Variants in NCK1 observed in about 807,000 individuals in gnomAD.
NCK1 encodes the protein SH2/SH3 adapter protein NCK1.
Under a neutral mutation model 36.6 loss-of-function variants are expected in NCK1, and 19 were observed. The observed-to-expected ratio is 0.52, with a 90% CI of 0.36 to 0.76. The LOEUF (loss-of-function observed/expected upper bound fraction) is 0.76, where lower values mean the gene tolerates loss of function less well. Among genes scored for constraint, NCK1 ranks in the 30% least tolerant of loss-of-function variants. The pLI, the probability that NCK1 is intolerant of heterozygous loss-of-function variation, is 0.00. For synonymous variants in NCK1, 165 were observed against 156.0 expected (o/e 1.06, Z -0.43); for missense variants, 358 against 445.6 (o/e 0.80, Z 1.77).
intron 2 of NCK1, among the ~76,000 whole-genome samples, chr3:136,931,885 C>T (rs929042471): frequency 5.9e-5 from 9 of 151,968 alleles, no homozygotes; most frequent in Non-Finnish European, 1.3e-4. Flanking sequence ...TTTGGGAGGC[C>T]GAAGTGGGTG....
At chr3:136,903,046 G>C (rs536883714) in intron 1 of NCK1, among the ~76,000 whole-genome samples, 1 of 152,276 alleles carries the variant, frequency 6.6e-6, no homozygotes, top group South Asian at 2.1e-4. Context: ...ACAGTGGGGT[G>C]CTGGTGTCCC....
intron 1 of NCK1, among the ~76,000 whole-genome samples, chr3:136,863,543 A>G (rs1018438020): frequency 6.6e-6 from 1 of 152,226 alleles, no homozygotes; most frequent in Non-Finnish European, 1.5e-5. Flanking sequence ...CTTGATAGTA[A>G]TATGCACTGG....
At chr3:136,887,382 C>T (rs931428892) in intron 1 of NCK1, among the ~76,000 whole-genome samples, 1 of 151,916 alleles carries the variant, frequency 6.6e-6, no homozygotes, top group Non-Finnish European at 1.5e-5. Context: ...TGCCTTTTCT[C>T]CTGATAAATA....
intron 1 of NCK1, among the ~76,000 whole-genome samples, chr3:136,887,614 C>T (rs182709079): frequency 4.6e-5 from 7 of 152,270 alleles, no homozygotes; most frequent in Admixed American, 3.9e-4. Context: ...TCACCTGGAA[C>T]AGACATAACT....
intron 1 of NCK1, among the ~76,000 whole-genome samples, chr3:136,891,117 A>G (rs891995157): frequency 1.3e-5 from 2 of 152,206 alleles, no homozygotes; most frequent in African/African-American, 2.4e-5. Flanking sequence ...TATTTACCAC[A>G]TGTTGTTTAC....
chr3:136,945,504 T>G, intron 2 of NCK1, 79 bp from the exon 3 acceptor site: 1 of 1,047,680 alleles, frequency 9.5e-7, no homozygotes, highest in Non-Finnish European at 1.4e-6. Flanking sequence ...GAAGATCTCT[T>G]TTTAATAATG....
At chr3:136,881,534 T>C (rs945466038) in intron 1 of NCK1, among the ~76,000 whole-genome samples, 3 of 152,176 alleles carry the variant, frequency 2.0e-5, no homozygotes, top group African/African-American at 7.2e-5. Flanking sequence ...TTTATTGTGG[T>C]AAACTGCATA....
At chr3:136,927,041 G>A (rs377759052) in intron 1 of NCK1, among the ~76,000 whole-genome samples, 1 of 152,076 alleles carries the variant, frequency 6.6e-6, no homozygotes. Context: ...GCACGATCTT[G>A]GCTAACTGCA....
chr3:136,885,231 A>AT (rs1345051850), intron 1 of NCK1, among the ~76,000 whole-genome samples: 1 of 152,162 alleles, frequency 6.6e-6, no homozygotes, highest in Non-Finnish European at 1.5e-5. Flanking sequence ...TGAGTTGATG[A>AT]TTTTAGCTAC....
In NCK1 at chr3:136,909,661, A is replaced by C. The variant is rs545193316; in HGVS notation, c.-18-18323A>C. 1.1e-4 allele frequency among the ~76,000 whole-genome samples: 17 copies of C among 152,306 alleles called. No homozygotes were observed. The South Asian group carries it at 1.7e-3, about 15-fold the overall frequency. ...CTTTTGTCTGATTATTCTACCCATTATTGAGAGTCAGGTATTGAAGTTTCC... is the reference window on the plus strand; with the variant it reads ...CTTTTGTCTGATTATTCTACCCATTCTTGAGAGTCAGGTATTGAAGTTTCC... On this transcript the variant is annotated intron_variant, in intron 1 of 3. Transcript: ENST00000481752.
intron 1 of NCK1, among the ~76,000 whole-genome samples, chr3:136,903,256 C>A (rs1201180612): frequency 1.3e-5 from 2 of 152,144 alleles, no homozygotes; most frequent in Non-Finnish European, 2.9e-5. Flanking sequence ...TTGTTTGATA[C>A]AAGTATAGCT....
At chr3:136,879,860 G>A (rs897138703) in intron 1 of NCK1, among the ~76,000 whole-genome samples, 1 of 151,304 alleles carries the variant, frequency 6.6e-6, no homozygotes, top group African/African-American at 2.5e-5. Context: ...GGGGCTGGGG[G>A]AGGGATAGCA....
chr3:136,928,423 A>AAAAT, intron 2 of NCK1, 196 bp downstream of exon 2: 1 of 575,436 alleles, frequency 1.7e-6, no homozygotes, highest in East Asian at 2.9e-5. Flanking sequence ...CTGTAAATCT[A>AAAAT]GGCCCATGCT....
intron 1 of NCK1, among the ~76,000 whole-genome samples, chr3:136,896,259 G>A (rs1402463105): frequency 1.3e-5 from 2 of 152,082 alleles, no homozygotes; most frequent in African/African-American, 2.4e-5. Context: ...ATATGTTTGT[G>A]TACATTGAGC....
Position 136,937,379 on chromosome 3 carries a change from T to A in NCK1, c.227-8204T>A, listed in dbSNP as rs73231972. Among the ~76,000 whole-genome samples the A allele has an allele frequency of 2.8e-3, 420 of 152,316 alleles. 1 individual carries two copies. The highest frequency in any genetic ancestry group is 6.6e-3 in the Admixed American group (101 of 15,298). On this transcript the variant is annotated intron_variant, in intron 2 of 3. Coordinates refer to ENST00000481752, the MANE Select transcript of NCK1 (RefSeq NM_001291999.2). Reference sequence around the variant, plus strand: ...TGATTACTGTGGCTTTGTAGTAAGTTTTGAAATCAGAAAGGGAGAGTCCTC... The same window carrying A: ...TGATTACTGTGGCTTTGTAGTAAGTATTGAAATCAGAAAGGGAGAGTCCTC...
rs1461060767 is a variant in NCK1, at chr3:136,949,904, A to G, written c.*1451A>G. ...AAATCATTTAAAGACTTATGTTGCC[A>G]CTGGGTGGCAGCCATGGCTTCTCCC... On this transcript the variant is annotated 3_prime_UTR_variant, in exon 4 of 4. Transcript: ENST00000481752. 6.6e-6 allele frequency: 1 copy of G among 152,102 alleles called. No individual in the cohort carries two copies. The highest frequency in any genetic ancestry group is 2.4e-5 in the African/African-American group (1 of 41,450). 9.4% of individuals were successfully genotyped at this position (152,102 alleles called of 1,614,324 possible).
Position 136,867,117 on chromosome 3 carries a change from TTTGTTTCTTTCTTTCC to T in NCK1, c.-19+4767_-19+4782del, listed in dbSNP as rs751094369. 2.0e-3 allele frequency among the ~76,000 whole-genome samples: 55 copies of T among 27,002 alleles called. 3 individuals are homozygous for T. Among genetic ancestry groups the T allele is most frequent in the East Asian group, 4.6e-3 (3 of 654 alleles). The allele number at this position is 27,002 out of a possible 152,430, so 17.7% of individuals were successfully genotyped here. A position where few individuals can be genotyped will look rare whatever the true frequency, so the allele number is the denominator to read the frequency against. On this transcript the variant is annotated intron_variant, in intron 1 of 3. Coordinates refer to ENST00000481752, the MANE Select transcript of NCK1 (RefSeq NM_001291999.2). ...CTTTCTTTCTTTCTTTCTTTCTTTC[TTTGTTTCTTTCTTTCC>T]TTCCTTCCTTCCTTCCTTCCTTCCT...
At chr3:136,889,524 A>G (rs1939175545) in intron 1 of NCK1, among the ~76,000 whole-genome samples, 1 of 152,070 alleles carries the variant, frequency 6.6e-6, no homozygotes, top group Admixed American at 6.5e-5. Context: ...AAGCTTCCAC[A>G]GTGTGGAAGG....
chr3:136,941,545 A>G (rs531416611), intron 2 of NCK1, among the ~76,000 whole-genome samples: 1 of 152,024 alleles, frequency 6.6e-6, no homozygotes, highest in Non-Finnish European at 1.5e-5. Flanking sequence ...TCATGTTTGA[A>G]TTAATACCAA....
Sources: allele counts gnomAD v4.1 joint callset (sites outside exome capture counted in the v4.1 genomes callset), GRCh38; gene constraint gnomAD v4.1.1; transcripts MANE v1.5; gene names NCBI Gene and HGNC (gene_info 2026-07-23, HGNC 2026-07-21).